SLC4A1AP: variants seen among roughly 807,000 people sequenced by gnomAD.
SLC4A1AP encodes the protein kanadaptin.
In SLC4A1AP, 64 loss-of-function variants were observed where a neutral mutation model predicts 89.7. That is an observed-to-expected ratio of 0.71 (90% CI 0.58 to 0.88). The LOEUF (loss-of-function observed/expected upper bound fraction) is 0.88, where lower values mean the gene tolerates loss of function less well. SLC4A1AP is among the 40% of genes least tolerant of loss of function. The pLI, the probability that SLC4A1AP is intolerant of heterozygous loss-of-function variation, is 0.00. For missense variants in SLC4A1AP, 931 were observed against 965.0 expected, an observed-to-expected ratio of 0.96 and a Z score of 0.47; for synonymous variants, 366 against 353.3, an observed-to-expected ratio of 1.04 and a Z score of -0.40.
At chr2:27,692,753 T>A (rs1432383237) in intron 12 of SLC4A1AP, 1 of 152,166 alleles carries the variant, frequency 6.6e-6, no homozygotes, top group Non-Finnish European at 1.5e-5. Flanking sequence ...CTTCTTTGTC[T>A]TTTTTTCAGT....
intron 10 of SLC4A1AP, among the ~76,000 whole-genome samples, chr2:27,687,174 T>C (rs972509626): frequency 1.3e-4 from 20 of 152,192 alleles, no homozygotes; most frequent in South Asian, 2.1e-4. Context: ...AAATGTGGTT[T>C]CAGAGAAGGA....
At chr2:27,692,259 A>C (rs1675800171) in intron 12 of SLC4A1AP, 1 of 152,216 alleles carries the variant, frequency 6.6e-6, no homozygotes, top group Non-Finnish European at 1.5e-5. Flanking sequence ...GTTAACCCAA[A>C]AATCATTTAG....
intron 12 of SLC4A1AP, among the ~76,000 whole-genome samples, chr2:27,690,996 T>C (rs1302256417): frequency 6.6e-6 from 1 of 152,128 alleles, no homozygotes; most frequent in Non-Finnish European, 1.5e-5. Context: ...GGCTCTAGTT[T>C]TCTTTTTTTT....
At chr2:27,684,913 C>T in intron 9 of SLC4A1AP, 124 bp from the exon 10 acceptor site, 1 of 1,141,690 alleles carries the variant, frequency 8.8e-7, no homozygotes, top group Non-Finnish European at 1.2e-6. Context: ...CAGCAGACTT[C>T]TGTGGAGTTC....
intron 5 of SLC4A1AP, among the ~76,000 whole-genome samples, chr2:27,670,922 C>CA (rs1187626764): frequency 8.9e-6 from 1 of 111,850 alleles, no homozygotes; most frequent in Non-Finnish European, 1.8e-5. Context: ...CTTTTCTTTT[C>CA]TTTTTTTTTT....
intron 4 of SLC4A1AP, 146 bp downstream of exon 4, chr2:27,669,049 A>G: frequency 9.9e-7 from 1 of 1,005,146 alleles, no homozygotes; most frequent in South Asian, 1.6e-5. Flanking sequence ...AGTAACCCTT[A>G]TATTATTGGA....
intron 12 of SLC4A1AP, among the ~76,000 whole-genome samples, chr2:27,689,317 G>T (rs1310385025): frequency 6.6e-6 from 1 of 152,150 alleles, no homozygotes; most frequent in African/African-American, 2.4e-5. Context: ...GCTCCCAGAA[G>T]TGCTAGGCTG....
intron 5 of SLC4A1AP, among the ~76,000 whole-genome samples, chr2:27,673,043 C>T (rs1223558577): frequency 1.3e-5 from 2 of 152,182 alleles, no homozygotes; most frequent in Admixed American, 6.5e-5. Flanking sequence ...AGAGATTAAC[C>T]TCTGGATTTC....
chr2:27,674,576 C>T (rs1351490994), intron 5 of SLC4A1AP, among the ~76,000 whole-genome samples: 1 of 149,476 alleles, frequency 6.7e-6, no homozygotes, highest in African/African-American at 2.5e-5. Flanking sequence ...TAAATTTGTA[C>T]TTTATTTTTT....
In SLC4A1AP at chr2:27,679,904, G is replaced by A. The variant is rs10207293; in HGVS notation, c.1763+1980G>A. ...AGTGCTCTCAGGAGAAATCTATATG[G>A]GAGTGAGGGAAGCAGGAGAGGGCAG... On this transcript the variant is annotated intron_variant, in intron 8 of 13. Transcript: ENST00000613058. Among the ~76,000 whole-genome samples the A allele has an allele frequency of 8.8e-3, 1,340 of 152,208 alleles. 18 individuals are homozygous for A. Among genetic ancestry groups the A allele is most frequent in the African/African-American group, 0.03 (1,234 of 41,510 alleles).
exon 5 of SLC4A1AP, chr2:27,669,366 G>A (rs1381590929): frequency 6.2e-7 from 1 of 1,610,628 alleles, no homozygotes; most frequent in Non-Finnish European, 8.5e-7. Flanking sequence ...TGACACTTTG[G>A]GATTGCTTCG....
At chr2:27,670,816 G>A (rs932082593) in intron 5 of SLC4A1AP, among the ~76,000 whole-genome samples, 1 of 151,558 alleles carries the variant, frequency 6.6e-6, no homozygotes, top group Non-Finnish European at 1.5e-5. Flanking sequence ...AGCCGAGATC[G>A]CGCCACTGCA....
chr2:27,683,116 C>G (rs1301231729), intron 9 of SLC4A1AP, among the ~76,000 whole-genome samples: 2 of 152,090 alleles, frequency 1.3e-5, no homozygotes, highest in East Asian at 1.9e-4. Flanking sequence ...TTGCCTCTTA[C>G]AAATGAGGAA....
chr2:27,680,710 G>T (rs952372580), intron 8 of SLC4A1AP, among the ~76,000 whole-genome samples: 1 of 151,670 alleles, frequency 6.6e-6, no homozygotes, highest in African/African-American at 2.4e-5. Flanking sequence ...TTGAACCTGG[G>T]AGAGTGAGGT....
exon 2 of SLC4A1AP, chr2:27,665,133 T>G (rs746966426): frequency 1.2e-6 from 2 of 1,612,624 alleles, no homozygotes; most frequent in Non-Finnish European, 1.7e-6. Context: ...AGAATCCGAG[T>G]TAACAGTAAC....
rs1215773185 is a variant in SLC4A1AP, at chr2:27,666,352, A to AC, written c.1022-910dup. Among the ~76,000 whole-genome samples, 14 of 3,414 alleles carry AC rather than the reference A, an allele frequency of 4.1e-3. 2 individuals carry two copies. Among genetic ancestry groups the AC allele is most frequent in the African/African-American group, 6.6e-3 (11 of 1,676 alleles). 2.2% of individuals were successfully genotyped at this position (3,414 alleles called of 152,430 possible). A position where few individuals can be genotyped will look rare whatever the true frequency, so the allele number is the denominator to read the frequency against. On this transcript the variant is annotated intron_variant, in intron 2 of 13. Transcript: ENST00000613058. ...TCTTGAACTCCTGACCTTGTGATCCACCCCCCACCCCCCCCCCCCACCCCG... is the reference window on the plus strand; with the variant it reads ...TCTTGAACTCCTGACCTTGTGATCCACCCCCCCACCCCCCCCCCCCACCCCG...
intron 5 of SLC4A1AP, among the ~76,000 whole-genome samples, chr2:27,673,530 C>G (rs1391038657): frequency 6.6e-6 from 1 of 150,432 alleles, no homozygotes; most frequent in African/African-American, 2.5e-5. Flanking sequence ...GTGGTCTGAT[C>G]ACAGCTCACT....
chr2:27,674,223 G>C (rs922812972), intron 5 of SLC4A1AP, among the ~76,000 whole-genome samples: 1 of 151,874 alleles, frequency 6.6e-6, no homozygotes, highest in Non-Finnish European at 1.5e-5. Flanking sequence ...ATTTGGCTTT[G>C]GTCCTATGAC....
At chr2:27,670,403 CTTATA>C (rs1675402704) in intron 5 of SLC4A1AP, among the ~76,000 whole-genome samples, 1 of 151,362 alleles carries the variant, frequency 6.6e-6, no homozygotes, top group African/African-American at 2.4e-5. Flanking sequence ...ATTAATAAGG[CTTATA>C]TTATATTTTT....
Sources: gnomAD v4.1 joint callset for allele counts (sites outside exome capture counted in the v4.1 genomes callset) on GRCh38, gnomAD v4.1.1 for gene constraint, MANE v1.5 for transcripts, NCBI Gene and HGNC (gene_info 2026-07-23, HGNC 2026-07-21) for gene names.